The following SCN2A variants were observed in gnomAD, a reference collection of about 807,000 sequenced individuals.
SCN2A encodes sodium voltage-gated channel alpha subunit 2, also known as sodium channel protein type 2 subunit alpha.
In SCN2A, 20 loss-of-function variants were observed where a neutral mutation model predicts 188.7. The observed-to-expected ratio is 0.11, with a 90% CI of 0.07 to 0.15. SCN2A has a LOEUF of 0.15. SCN2A is among the 10% of genes least tolerant of loss of function. SCN2A has a pLI of 1.00. For synonymous variants in SCN2A, 804 were observed against 833.1 expected (o/e 0.97, Z 0.60); for missense variants, 1,278 against 2,445.0 (o/e 0.52, Z 10.07).
Position 165,294,010 on chromosome 2 carries a change from TAA to T in SCN2A, c.-51-1736_-51-1735del, listed in dbSNP as rs67417831. The T allele has an allele frequency of 0.13, 20,173 of 149,934 alleles. 354 individuals are homozygous for T. The highest frequency in any genetic ancestry group is 0.27 in the African/African-American group (4,373 of 16,078). The allele number at this position is 149,934 out of a possible 1,614,324, so 9.3% of individuals were successfully genotyped here. A position where few individuals can be genotyped will look rare whatever the true frequency, so the allele number is the denominator to read the frequency against. On this transcript the variant is annotated intron_variant, in intron 1 of 26. Transcript: ENST00000375437. The stretch of plus-strand genomic sequence containing the variant: ...TTAGGTGTGGTCTTTGAAGGAGAAT[TAA>T]AAAAAAAAAAAAAAAAAAAAAAAAA...
At chr2:165,366,846 C>A (rs1262559232) in intron 18 of SCN2A, among the ~76,000 whole-genome samples, 2 of 151,566 alleles carry the variant, frequency 1.3e-5, no homozygotes, top group Non-Finnish European at 2.9e-5. Context: ...ATTAAGTGAA[C>A]TAATCAGAAT....
intron 1 of SCN2A, among the ~76,000 whole-genome samples, chr2:165,274,962 G>C (rs983806928): frequency 2.0e-4 from 31 of 152,116 alleles, no homozygotes; most frequent in African/African-American, 7.2e-4. Flanking sequence ...GGTCTGGCTT[G>C]GGCTCTGATC....
At chr2:165,291,553 C>T (rs1696191018) in intron 1 of SCN2A, among the ~76,000 whole-genome samples, 1 of 112,130 alleles carries the variant, frequency 8.9e-6, no homozygotes, top group Non-Finnish European at 1.8e-5. Context: ...TCCTTCCTTC[C>T]TTCCTTCCTT....
chr2:165,298,338 A>G (rs1293775573), intron 3 of SCN2A, among the ~76,000 whole-genome samples: 2 of 152,180 alleles, frequency 1.3e-5, no homozygotes, highest in African/African-American at 2.4e-5. Context: ...TAAGCCTGGT[A>G]CAGGGTACTT....
chr2:165,295,609 T>A (rs528492655), intron 1 of SCN2A, among the ~76,000 whole-genome samples, 164 bp from the exon 2 acceptor site: 3 of 152,226 alleles, frequency 2.0e-5, no homozygotes, highest in Non-Finnish European at 4.4e-5. Flanking sequence ...TGTGAGCAAA[T>A]GGATGCACAT....
At chr2:165,239,678 ATTG>A (rs1388467469) in intron 1 of SCN2A, 38 bp downstream of exon 1, 40 of 908,636 alleles carry the variant, frequency 4.4e-5, no homozygotes, top group African/African-American at 2.3e-4. Flanking sequence ...TTATCCACGG[ATTG>A]TTATCTATGT....
chr2:165,306,193 C>T (rs987310981), intron 3 of SCN2A, among the ~76,000 whole-genome samples: 9 of 151,926 alleles, frequency 5.9e-5, no homozygotes, highest in African/African-American at 2.2e-4. Context: ...GAAATGGAGC[C>T]GGAAGAAAGA....
intron 16 of SCN2A, among the ~76,000 whole-genome samples, chr2:165,349,430 AGATTTAAAGAG>A (rs1699770353): frequency 6.6e-6 from 1 of 152,214 alleles, no homozygotes; most frequent in Non-Finnish European, 1.5e-5. Context: ...AATGCAGAAT[AGATTTAAAGAG>A]GATGAAACTC....
At chr2:165,338,312 T>C (rs1409955497) in intron 14 of SCN2A, among the ~76,000 whole-genome samples, 1 of 147,876 alleles carries the variant, frequency 6.8e-6, no homozygotes, top group Non-Finnish European at 1.5e-5. Context: ...CAGGCTGGAG[T>C]GCAGTGGTGC....
chr2:165,328,304 A>G (rs1328383640), intron 13 of SCN2A: 3 of 154,394 alleles, frequency 1.9e-5, no homozygotes, highest in African/African-American at 7.2e-5. Flanking sequence ...TTTCAATTGA[A>G]TATTAAACTC....
intron 10 of SCN2A, among the ~76,000 whole-genome samples, chr2:165,315,228 A>G (rs1202682688): frequency 3.9e-5 from 6 of 152,172 alleles, no homozygotes; most frequent in Non-Finnish European, 8.8e-5. Context: ...AGATAATTAG[A>G]TATCATAGTG....
intron 8 of SCN2A, 81 bp from the exon 9 acceptor site, chr2:165,313,539 A>G: frequency 1.3e-6 from 2 of 1,543,222 alleles, no homozygotes; most frequent in Non-Finnish European, 1.8e-6. Context: ...TAAAACAGAC[A>G]TTGGCATATA....
intron 16 of SCN2A, among the ~76,000 whole-genome samples, chr2:165,351,767 A>G (rs1343779955): frequency 6.6e-6 from 1 of 152,082 alleles, no homozygotes; most frequent in East Asian, 1.9e-4. Context: ...AGCTGGTTTT[A>G]CTTTTATTGT....
intron 17 of SCN2A, among the ~76,000 whole-genome samples, chr2:165,359,162 A>G (rs999237823): frequency 2.0e-5 from 3 of 152,126 alleles, no homozygotes; most frequent in Non-Finnish European, 2.9e-5. Context: ...TTCATGAGCT[A>G]TAATGCCTCA....
At chr2:165,305,856 A>G (rs545341592) in intron 3 of SCN2A, among the ~76,000 whole-genome samples, 1 of 152,298 alleles carries the variant, frequency 6.6e-6, no homozygotes, top group East Asian at 1.9e-4. Flanking sequence ...GTAGTTAAGG[A>G]GGGTTGTGAG....
intron 25 of SCN2A, among the ~76,000 whole-genome samples, chr2:165,382,068 G>A (rs1701632921): frequency 6.6e-6 from 1 of 152,038 alleles, no homozygotes; most frequent in Non-Finnish European, 1.5e-5. Context: ...TACAACTTGA[G>A]CCTAGTCTTT....
chr2:165,365,385 C>A, intron 18 of SCN2A, 122 bp downstream of exon 18: 1 of 1,030,538 alleles, frequency 9.7e-7, no homozygotes, highest in Non-Finnish European at 1.5e-6. Context: ...ATCTATCTAT[C>A]TATCTATCTA....
chr2:165,380,064 ATTATAC>A (rs1701518837), intron 23 of SCN2A, among the ~76,000 whole-genome samples: 1 of 151,850 alleles, frequency 6.6e-6, no homozygotes, highest in Non-Finnish European at 1.5e-5. Flanking sequence ...AAAGAAATGT[ATTATAC>A]CAAACCCTTA....
At chr2:165,312,249 C>T (rs1404483696) in intron 8 of SCN2A, among the ~76,000 whole-genome samples, 161 bp downstream of exon 8, 3 of 151,776 alleles carry the variant, frequency 2.0e-5, no homozygotes, top group South Asian at 2.1e-4. Flanking sequence ...TGTAGATTCT[C>T]ACCTCTTTCA....
Sources: gnomAD v4.1 joint callset for allele counts (sites outside exome capture counted in the v4.1 genomes callset) on GRCh38, gnomAD v4.1.1 for gene constraint, MANE v1.5 for transcripts, NCBI Gene and HGNC (gene_info 2026-07-23, HGNC 2026-07-21) for gene names.